CDH18: variants seen among roughly 807,000 people sequenced by gnomAD.
CDH18 encodes the protein cadherin-18.
Under a neutral mutation model 67.9 loss-of-function variants are expected in CDH18, and 31 were observed. The ratio of observed to expected loss-of-function variants is 0.46; its 90% CI spans 0.34 to 0.62. CDH18 has a LOEUF of 0.62. Among genes scored for constraint, CDH18 ranks in the 20% least tolerant of loss-of-function variants. CDH18 has a pLI of 0.01. For missense variants in CDH18, 890 were observed against 975.5 expected (o/e 0.91, Z 1.17); for synonymous variants, 362 against 347.2 (o/e 1.04, Z -0.48).
At chr5:20,320,277 A>C (rs910706325) in intron 1 of CDH18, among the ~76,000 whole-genome samples, 2 of 152,160 alleles carry the variant, frequency 1.3e-5, no homozygotes, top group African/African-American at 4.8e-5. Flanking sequence ...CTTTTATATA[A>C]GGTACATTTA....
intron 10 of CDH18, among the ~76,000 whole-genome samples, chr5:19,506,520 T>C (rs1561221729): frequency 6.6e-6 from 1 of 152,142 alleles, no homozygotes; most frequent in Non-Finnish European, 1.5e-5. Flanking sequence ...ACTACAAGGC[T>C]ACAGTAACCA....
chr5:19,748,153 G>C (rs115942000), intron 3 of CDH18, among the ~76,000 whole-genome samples: 1,763 of 86,576 alleles, frequency 0.02, 43 homozygotes, highest in African/African-American at 0.061. Context: ...TTTAGGGATA[G>C]AGTATTTTTT....
intron 2 of CDH18, among the ~76,000 whole-genome samples, chr5:19,903,667 T>C (rs1790212450): frequency 7.2e-6 from 1 of 138,298 alleles, no homozygotes; most frequent in Admixed American, 7.5e-5. Flanking sequence ...ACAAATCCTC[T>C]GAGCAGCACT....
chr5:19,658,241 T>C (rs570767877), intron 5 of CDH18, among the ~76,000 whole-genome samples: 1 of 152,252 alleles, frequency 6.6e-6, no homozygotes, highest in South Asian at 2.1e-4. Context: ...AAGACAATGA[T>C]CTTTCCTTCA....
intron 1 of CDH18, among the ~76,000 whole-genome samples, chr5:20,427,331 G>A (rs1748379056): frequency 6.6e-6 from 1 of 150,950 alleles, no homozygotes; most frequent in Non-Finnish European, 1.5e-5. Context: ...ATTTTACAAA[G>A]AAACAAATAT....
chr5:19,773,209 G>A (rs1037553367), intron 3 of CDH18, among the ~76,000 whole-genome samples: 1 of 151,936 alleles, frequency 6.6e-6, no homozygotes, highest in Admixed American at 6.6e-5. Context: ...AAAAATACGT[G>A]GAAATCCAAA....
intron 2 of CDH18, among the ~76,000 whole-genome samples, chr5:20,243,661 C>A (rs2126561855): frequency 6.6e-6 from 1 of 152,018 alleles, no homozygotes; most frequent in East Asian, 1.9e-4. Flanking sequence ...CCCAAAAAGC[C>A]AATTTTTTTA....
chr5:20,572,521 A>G (rs1758873563), intron 1 of CDH18, among the ~76,000 whole-genome samples: 1 of 152,178 alleles, frequency 6.6e-6, no homozygotes, highest in South Asian at 2.1e-4. Context: ...AAGTTTGAAA[A>G]GCATAGGATA....
chr5:19,925,157 G>T (rs1792947882), intron 2 of CDH18, among the ~76,000 whole-genome samples: 1 of 152,140 alleles, frequency 6.6e-6, no homozygotes. Context: ...GTACTTTCCT[G>T]CATTTATCGA....
chr5:19,837,086 A>G (rs551424740), intron 3 of CDH18, among the ~76,000 whole-genome samples: 1 of 152,326 alleles, frequency 6.6e-6, no homozygotes, highest in East Asian at 1.9e-4. Context: ...GCCATAAAAA[A>G]GGATGAGTTC....
At chr5:19,779,316 G>A (rs1774812799) in intron 3 of CDH18, among the ~76,000 whole-genome samples, 1 of 152,064 alleles carries the variant, frequency 6.6e-6, no homozygotes, top group East Asian at 1.9e-4. Context: ...CTGTAAATTG[G>A]TTTTATCTTT....
At chr5:19,550,417 C>T (rs1737199347) in intron 8 of CDH18, among the ~76,000 whole-genome samples, 1 of 151,944 alleles carries the variant, frequency 6.6e-6, no homozygotes, top group African/African-American at 2.4e-5. Context: ...TCCCCACTCC[C>T]CCCACCCCAC....
At chr5:19,567,907 G>C (rs1158491031) in intron 8 of CDH18, among the ~76,000 whole-genome samples, 1 of 152,102 alleles carries the variant, frequency 6.6e-6, no homozygotes, top group Non-Finnish European at 1.5e-5. Flanking sequence ...CAATTACTGA[G>C]ACAATTAGTG....
chr5:19,625,034 G>A (rs1751303517), intron 5 of CDH18, among the ~76,000 whole-genome samples: 1 of 146,962 alleles, frequency 6.8e-6, no homozygotes. Context: ...AGGAAGGGCA[G>A]ATTAGTGAAA....
At chr5:20,492,734 A>G (rs563600714) in intron 1 of CDH18, among the ~76,000 whole-genome samples, 2 of 152,328 alleles carry the variant, frequency 1.3e-5, no homozygotes, top group East Asian at 1.9e-4. Flanking sequence ...ATATTAGAAT[A>G]CTGTATATAA....
intron 3 of CDH18, among the ~76,000 whole-genome samples, chr5:19,778,445 G>T (rs1774662754): frequency 6.6e-6 from 1 of 152,124 alleles, no homozygotes. Context: ...TGTAAAAATT[G>T]TATTCAATCT....
intron 5 of CDH18, among the ~76,000 whole-genome samples, chr5:19,631,750 A>AT (rs1243979766): frequency 6.6e-6 from 1 of 152,170 alleles, no homozygotes; most frequent in Non-Finnish European, 1.5e-5. Context: ...ATCTTATCCT[A>AT]TCATTGGCAT....
At chr5:20,215,698 A>G (rs889919118) in intron 2 of CDH18, among the ~76,000 whole-genome samples, 1 of 152,006 alleles carries the variant, frequency 6.6e-6, no homozygotes, top group Non-Finnish European at 1.5e-5. Context: ...AGCATTATTC[A>G]TAATATCAGA....
At chr5:19,811,263 C>T (rs1778716667) in intron 3 of CDH18, among the ~76,000 whole-genome samples, 1 of 151,936 alleles carries the variant, frequency 6.6e-6, no homozygotes, top group African/African-American at 2.4e-5. Flanking sequence ...AAGCTCTGAA[C>T]CCCAATACTT....
Sources: gnomAD v4.1 joint callset for allele counts (sites outside exome capture counted in the v4.1 genomes callset) on GRCh38, gnomAD v4.1.1 for gene constraint, MANE v1.5 for transcripts, NCBI Gene and HGNC (gene_info 2026-07-23, HGNC 2026-07-21) for gene names.